The following EPHA5 variants were observed in gnomAD, a reference collection of about 807,000 sequenced individuals.
The protein encoded by EPHA5 is EPH receptor A5.
Under a neutral mutation model 105.0 loss-of-function variants are expected in EPHA5, and 60 were observed. The ratio of observed to expected loss-of-function variants is 0.57; its 90% CI spans 0.46 to 0.71. The LOEUF (loss-of-function observed/expected upper bound fraction) is 0.71. Among genes scored for constraint, EPHA5 ranks in the 30% least tolerant of loss-of-function variants. EPHA5 has a pLI of 0.00. For missense variants in EPHA5, 1,218 were observed against 1,274.7 expected (o/e 0.96, Z 0.68); for synonymous variants, 513 against 449.1 (o/e 1.14, Z -1.80).
At chr4:65,349,286 G>T (rs1035699187) in intron 13 of EPHA5, among the ~76,000 whole-genome samples, 1 of 151,922 alleles carries the variant, frequency 6.6e-6, no homozygotes, top group Non-Finnish European at 1.5e-5. Flanking sequence ...ATTGAAATTG[G>T]ATTGGGGGAA....
At chr4:65,385,406 C>A (rs948233307) in intron 8 of EPHA5, among the ~76,000 whole-genome samples, 2 of 151,652 alleles carry the variant, frequency 1.3e-5, no homozygotes, top group African/African-American at 2.4e-5. Flanking sequence ...AAAGTAATTG[C>A]GGCAATATAC....
intron 3 of EPHA5, among the ~76,000 whole-genome samples, chr4:65,516,245 T>C (rs2149269439): frequency 6.6e-6 from 1 of 152,312 alleles, no homozygotes; most frequent in East Asian, 1.9e-4. Context: ...AATAGTTGTT[T>C]AACACATGTT....
intron 5 of EPHA5, among the ~76,000 whole-genome samples, chr4:65,434,835 T>C (rs562577016): frequency 1.3e-5 from 2 of 152,280 alleles, no homozygotes; most frequent in East Asian, 3.9e-4. Flanking sequence ...CTGACTATTT[T>C]TTTAAGACCA....
At chr4:65,537,031 G>C (rs964166199) in intron 3 of EPHA5, among the ~76,000 whole-genome samples, 2 of 151,634 alleles carry the variant, frequency 1.3e-5, no homozygotes, top group Non-Finnish European at 3.0e-5. Context: ...ATGACTTAGA[G>C]GGACAAATTT....
intron 3 of EPHA5, among the ~76,000 whole-genome samples, chr4:65,510,753 T>A (rs1245254841): frequency 6.6e-6 from 1 of 152,038 alleles, no homozygotes; most frequent in Non-Finnish European, 1.5e-5. Flanking sequence ...TATCTCACAA[T>A]CACTGTAGAA....
chr4:65,532,289 G>GAA (rs1560658130), intron 3 of EPHA5, among the ~76,000 whole-genome samples: 1 of 151,994 alleles, frequency 6.6e-6, no homozygotes, highest in Non-Finnish European at 1.5e-5. Context: ...ATGAAGTAAT[G>GAA]AAAGCTTCTC....
At position 65,610,665 on chromosome 4, in the gene EPHA5, G is replaced by A. The variant is rs1338029405; in HGVS notation, c.247-8361C>T. 2.0e-5 allele frequency among the ~76,000 whole-genome samples: 3 copies of A among 152,102 alleles called. No individual in the cohort carries two copies. The East Asian group carries it at 5.8e-4, about 29-fold the overall frequency. On this transcript the variant is annotated intron_variant, in intron 2 of 16. Transcript: ENST00000613740. Reference sequence around the variant, plus strand: ...AAGAATGAGCAAACTAGGTAACCATGCCTGAAATTAACAAATTAATAAACT... The same window carrying A: ...AAGAATGAGCAAACTAGGTAACCATACCTGAAATTAACAAATTAATAAACT...
rs560811994 is a variant in EPHA5, at chr4:65,529,258, C to A, written c.911-33715G>T. On this transcript the variant is annotated intron_variant, in intron 3 of 16. Coordinates refer to ENST00000613740, the MANE Select transcript of EPHA5 (RefSeq NM_001281766.3). ...ATCTTTCAAATCCCCAAACAGTGGT[C>A]TAATGTTTGGAATGGCTTCTCAAAG... Among the ~76,000 whole-genome samples, 13 of 152,134 alleles carry A rather than the reference C, an allele frequency of 8.5e-5. 1 individual carries two copies. The highest frequency in any genetic ancestry group is 3.1e-4 in the African/African-American group (13 of 41,522).
chr4:65,334,695 G>A (rs1721001861), intron 15 of EPHA5, among the ~76,000 whole-genome samples: 1 of 151,900 alleles, frequency 6.6e-6, no homozygotes, highest in African/African-American at 2.4e-5. Context: ...AACCTAGAAA[G>A]CTGAATCCTA....
intron 11 of EPHA5, among the ~76,000 whole-genome samples, chr4:65,357,203 A>C (rs1473620447): frequency 2.0e-5 from 3 of 151,432 alleles, no homozygotes; most frequent in Non-Finnish European, 4.4e-5. Context: ...TTATAATTCT[A>C]TAACTGTGAT....
intron 11 of EPHA5, among the ~76,000 whole-genome samples, chr4:65,354,908 G>A (rs797019534): frequency 2.6e-4 from 40 of 151,830 alleles, no homozygotes; most frequent in African/African-American, 7.7e-4. Flanking sequence ...TTCTTTAAAT[G>A]GAATGTGATA....
At position 65,322,580 on chromosome 4, in the gene EPHA5, T is replaced by C. The variant is rs546235176; in HGVS notation, c.*1534A>G. On this transcript the variant is annotated 3_prime_UTR_variant, in exon 17 of 17. Coordinates refer to ENST00000613740, the MANE Select transcript of EPHA5 (RefSeq NM_001281766.3). ...GAGCTCAGTTTTGGACAATTTCTAATACACTGCATAATTTGTATCACAAAT... is the reference window on the plus strand; with the variant it reads ...GAGCTCAGTTTTGGACAATTTCTAACACACTGCATAATTTGTATCACAAAT... 1 of 224,108 alleles carries C rather than the reference T, an allele frequency of 4.5e-6. No individual in the cohort carries two copies. The highest frequency in any genetic ancestry group is 8.9e-6 in the Non-Finnish European group (1 of 112,338). 13.9% of individuals were successfully genotyped at this position (224,108 alleles called of 1,614,324 possible).
chr4:65,642,537 A>T (rs1747757172), intron 2 of EPHA5, among the ~76,000 whole-genome samples: 1 of 152,030 alleles, frequency 6.6e-6, no homozygotes, highest in Non-Finnish European at 1.5e-5. Flanking sequence ...TTTAACAACT[A>T]AAAAGAAATA....
chr4:65,630,855 A>C (rs1218980669), intron 2 of EPHA5, among the ~76,000 whole-genome samples: 1 of 152,162 alleles, frequency 6.6e-6, no homozygotes, highest in Non-Finnish European at 1.5e-5. Context: ...AATAATAAAT[A>C]ATTAAATCAG....
intron 3 of EPHA5, among the ~76,000 whole-genome samples, chr4:65,497,367 T>C (rs1266635876): frequency 6.6e-6 from 1 of 152,148 alleles, no homozygotes; most frequent in South Asian, 2.1e-4. Context: ...GATCTAATTA[T>C]AGTGATAGTA....
chr4:65,654,986 A>G (rs1056960238), intron 1 of EPHA5, among the ~76,000 whole-genome samples: 13 of 150,214 alleles, frequency 8.7e-5, no homozygotes, highest in Non-Finnish European at 1.5e-4. Flanking sequence ...GTTTTTTCAA[A>G]TCAGTGGTTA....
intron 5 of EPHA5, among the ~76,000 whole-genome samples, chr4:65,480,819 T>G (rs1343655017): frequency 1.3e-5 from 2 of 152,068 alleles, no homozygotes; most frequent in Non-Finnish European, 2.9e-5. Flanking sequence ...TGCTCTTTTC[T>G]ATTTCAACTA....
intron 8 of EPHA5, among the ~76,000 whole-genome samples, chr4:65,382,826 C>G (rs1256932872): frequency 6.6e-6 from 1 of 151,602 alleles, no homozygotes; most frequent in South Asian, 2.1e-4. Context: ...CCAAGAGATA[C>G]TCAATAAACA....
chr4:65,575,106 G>A (rs1320423149), intron 3 of EPHA5, among the ~76,000 whole-genome samples: 4 of 151,914 alleles, frequency 2.6e-5, no homozygotes, highest in Admixed American at 1.3e-4. Flanking sequence ...AAACAGCTGA[G>A]CAATCTAGGA....
Sources: allele counts gnomAD v4.1 joint callset (sites outside exome capture counted in the v4.1 genomes callset), GRCh38; gene constraint gnomAD v4.1.1; transcripts MANE v1.5; gene names NCBI Gene and HGNC (gene_info 2026-07-23, HGNC 2026-07-21).